Variants in MTMR2 observed in about 807,000 individuals in gnomAD.
MTMR2 encodes the protein myotubularin related protein 2, also known as phosphatidylinositol-3,5-bisphosphate 3-phosphatase MTMR2.
In MTMR2, 55 loss-of-function variants were observed where a neutral mutation model predicts 86.9. The ratio of observed to expected loss-of-function variants is 0.63; its 90% CI spans 0.51 to 0.79. The LOEUF (loss-of-function observed/expected upper bound fraction) is 0.79, where lower values mean the gene tolerates loss of function less well. MTMR2 is among the 30% of genes least tolerant of loss of function. The pLI is 0.00. For missense variants in MTMR2, 659 were observed against 772.3 expected (o/e 0.85, Z 1.74); for synonymous variants, 241 against 266.8 (o/e 0.90, Z 0.94).
At chr11:95,856,345 T>TA (rs1864213207) in intron 7 of MTMR2, among the ~76,000 whole-genome samples, 1 of 151,552 alleles carries the variant, frequency 6.6e-6, no homozygotes, top group Non-Finnish European at 1.5e-5. Flanking sequence ...TTTTTTTTTT[T>TA]ATTTAAAGGG....
chr11:95,869,284 A>G (rs1296756150), intron 2 of MTMR2, among the ~76,000 whole-genome samples: 1 of 151,570 alleles, frequency 6.6e-6, no homozygotes, highest in East Asian at 1.9e-4. Flanking sequence ...GGTTCAACTT[A>G]TGGTATTTTC....
At chr11:95,913,839 A>G (rs919857727) in intron 1 of MTMR2, among the ~76,000 whole-genome samples, 4 of 152,156 alleles carry the variant, frequency 2.6e-5, no homozygotes, top group African/African-American at 9.7e-5. Flanking sequence ...GAAACATACA[A>G]AACAGTAGTA....
chr11:95,922,521 A>C (rs1866965119), intron 1 of MTMR2, among the ~76,000 whole-genome samples: 1 of 152,186 alleles, frequency 6.6e-6, no homozygotes, highest in Non-Finnish European at 1.5e-5. Flanking sequence ...AACTGCAAAG[A>C]AAAATCCTCC....
At chr11:95,882,021 T>C (rs1170369820) in intron 2 of MTMR2, among the ~76,000 whole-genome samples, 2 of 152,182 alleles carry the variant, frequency 1.3e-5, no homozygotes, top group Admixed American at 1.3e-4. Flanking sequence ...ATATTGTTGG[T>C]AAGGGAGGTC....
At chr11:95,887,592 A>G (rs1167309599) in intron 2 of MTMR2, 2 of 152,568 alleles carry the variant, frequency 1.3e-5, no homozygotes, top group Admixed American at 1.3e-4. Context: ...GAGACCTTTA[A>G]TAAATAGAGG....
At chr11:95,892,702 A>G (rs1865754589) in intron 1 of MTMR2, among the ~76,000 whole-genome samples, 1 of 152,162 alleles carries the variant, frequency 6.6e-6, no homozygotes, top group Non-Finnish European at 1.5e-5. Context: ...GCATATGTTC[A>G]TTACCATATT....
intron 2 of MTMR2, among the ~76,000 whole-genome samples, chr11:95,876,824 CCTCT>C (rs896307785): frequency 9.9e-5 from 15 of 151,996 alleles, no homozygotes; most frequent in African/African-American, 3.6e-4. Flanking sequence ...CTCTTCTCTC[CCTCT>C]CTCTTTCTCA....
chr11:95,908,230 C>T lies in MTMR2; in HGVS notation c.80+15645G>A, dbSNP rs573979948. ...CAAGCTGAGTGCCAAATCAAGAATG[C>T]GATCCCATTCACAATACCTATAAAA... is the stretch of plus-strand genomic sequence containing the variant. On this transcript the variant is annotated intron_variant, in intron 1 of 14. Coordinates refer to ENST00000346299, the MANE Select transcript of MTMR2 (RefSeq NM_016156.6). Among the ~76,000 whole-genome samples the T allele has an allele frequency of 3.3e-5, 5 of 151,784 alleles. No individual in the cohort carries two copies. The South Asian group carries it at 6.2e-4, about 19-fold the overall frequency.
At chr11:95,911,365 T>C (rs941338618) in intron 1 of MTMR2, among the ~76,000 whole-genome samples, 3 of 152,192 alleles carry the variant, frequency 2.0e-5, no homozygotes, top group Non-Finnish European at 4.4e-5. Context: ...AATTTACATA[T>C]GTCTGTTTTT....
At chr11:95,861,968 T>G in intron 5 of MTMR2, 24 bp downstream of exon 5, 1 of 1,516,444 alleles carries the variant, frequency 6.6e-7, no homozygotes, top group Non-Finnish European at 9.1e-7. Flanking sequence ...CCAAAGAAAA[T>G]CACATACATA....
intron 14 of MTMR2, 34 bp downstream of exon 14, chr11:95,836,114 T>A (rs763315235): frequency 6.3e-7 from 1 of 1,578,188 alleles, no homozygotes; most frequent in South Asian, 1.1e-5. Flanking sequence ...ACTGCATGAA[T>A]GAAAACTCCC....
chr11:95,865,870 G>A (rs1864597307), intron 2 of MTMR2, among the ~76,000 whole-genome samples, 194 bp from the exon 3 acceptor site: 1 of 152,012 alleles, frequency 6.6e-6, no homozygotes, highest in African/African-American at 2.4e-5. Context: ...AGCATTTACT[G>A]AGTGCTTAAA....
intron 2 of MTMR2, among the ~76,000 whole-genome samples, chr11:95,876,120 T>C (rs1243367490): frequency 6.6e-6 from 1 of 152,198 alleles, no homozygotes; most frequent in Non-Finnish European, 1.5e-5. Context: ...ACTACTCTCT[T>C]CAAAGCTGTC....
At chr11:95,884,557 T>C (rs1241518191) in intron 2 of MTMR2, among the ~76,000 whole-genome samples, 2 of 152,288 alleles carry the variant, frequency 1.3e-5, no homozygotes, top group African/African-American at 2.4e-5. Flanking sequence ...GGTTTCTCAT[T>C]TGTCAAATGG....
intron 2 of MTMR2, among the ~76,000 whole-genome samples, chr11:95,877,800 G>A (rs1865180853): frequency 1.3e-5 from 2 of 152,012 alleles, no homozygotes; most frequent in African/African-American, 4.8e-5. Context: ...TAGGAGAAAG[G>A]TATGGAATAG....
intron 1 of MTMR2, among the ~76,000 whole-genome samples, chr11:95,905,293 A>G (rs970504960): frequency 2.6e-5 from 4 of 151,306 alleles, no homozygotes; most frequent in African/African-American, 7.3e-5. Flanking sequence ...AATACCGTCT[A>G]AAGTGTGATA....
At chr11:95,841,168 C>T (rs189552511) in intron 12 of MTMR2, among the ~76,000 whole-genome samples, 1 of 151,876 alleles carries the variant, frequency 6.6e-6, no homozygotes, top group Admixed American at 6.6e-5. Flanking sequence ...TATGTGCCTC[C>T]CTTGTTATGC....
chr11:95,841,770 A>G, intron 11 of MTMR2, 61 bp from the exon 12 acceptor site: 1 of 1,345,238 alleles, frequency 7.4e-7, no homozygotes, highest in Non-Finnish European at 1.1e-6. Flanking sequence ...TGATGGAAAT[A>G]ATTTTTTAAA....
At chr11:95,868,950 GA>G (rs910164657) in intron 2 of MTMR2, among the ~76,000 whole-genome samples, 11 of 135,700 alleles carry the variant, frequency 8.1e-5, no homozygotes, top group African/African-American at 8.1e-5. Context: ...ATACTTTTTA[GA>G]AAAAAAAAAA....
Sources: allele counts gnomAD v4.1 joint callset (sites outside exome capture counted in the v4.1 genomes callset), GRCh38; gene constraint gnomAD v4.1.1; transcripts MANE v1.5; gene names NCBI Gene and HGNC (gene_info 2026-07-23, HGNC 2026-07-21).